The following DAW1 variants were observed in gnomAD, a reference collection of about 807,000 sequenced individuals.
DAW1 encodes dynein assembly factor with WD repeats 1.
DAW1 carries 47 observed loss-of-function variants against 56.5 expected under a neutral mutation model. The ratio of observed to expected loss-of-function variants is 0.83; its 90% CI spans 0.66 to 1.06. DAW1 has a LOEUF of 1.06. Ranked by LOEUF, DAW1 falls within the 50% of genes least tolerant of loss-of-function variation. The pLI, the probability that DAW1 is intolerant of heterozygous loss-of-function variation, is 0.00. For synonymous variants in DAW1, 190 were observed against 179.0 expected (o/e 1.06, Z -0.49); for missense variants, 505 against 499.3 (o/e 1.01, Z -0.11).
chr2:227,904,564 T>C (rs1177858332), intron 7 of DAW1, among the ~76,000 whole-genome samples: 9 of 152,248 alleles, frequency 5.9e-5, no homozygotes, highest in Non-Finnish European at 8.8e-5. Context: ...TGGCATCCCC[T>C]GCTCTGTAGT....
chr2:227,875,311 A>G (rs1690854472), intron 1 of DAW1, among the ~76,000 whole-genome samples: 1 of 152,190 alleles, frequency 6.6e-6, no homozygotes, highest in Non-Finnish European at 1.5e-5. Flanking sequence ...TCTTCAGTCT[A>G]TATGGCAATG....
At position 227,917,949 on chromosome 2, in the gene DAW1, G is replaced by A. The variant is rs564886436; in HGVS notation, c.974-831G>A. ...TATCCTTGCTATATTTTACTACTAT[G>A]TAATGCTATAATCAGAGATTTAAAA... is the stretch of plus-strand genomic sequence containing the variant. On this transcript the variant is annotated intron_variant, in intron 10 of 12. Coordinates refer to ENST00000309931, the MANE Select transcript of DAW1 (RefSeq NM_178821.3). Among the ~76,000 whole-genome samples, 5 of 152,210 alleles carry A rather than the reference G, an allele frequency of 3.3e-5. No individual in the cohort carries two copies. The South Asian group carries it at 6.2e-4, about 19-fold the overall frequency.
rs1212817498 is a variant in DAW1 at position 227,889,950 on chromosome 2, T to G, written c.208T>G (p.Leu70Val). ...GCAAGTCAAACTTTTGATACAGAGG[T>G]TGCAAGAGAAACTCGGCCAGAACAG... ...TEQVKLLIQR[L>V]QEKLGQNSNH... Residue 70 changes from leucine to valine, a missense_variant, in exon 3 of 13, where the codon TTG becomes GTG. Leu to Val is a conservative substitution (Grantham distance 32, BLOSUM62 1). Transcript: ENST00000309931. The G allele has an allele frequency of 5.6e-6, 9 of 1,602,574 alleles. No individual in the cohort carries two copies. The highest frequency in any genetic ancestry group is 7.7e-6 in the Non-Finnish European group (9 of 1,175,616).
chr2:227,905,326 GC>G (rs1390362948), intron 8 of DAW1, among the ~76,000 whole-genome samples: 1 of 152,090 alleles, frequency 6.6e-6, no homozygotes, highest in Non-Finnish European at 1.5e-5. Context: ...GATTTCAATG[GC>G]TTGTCATTAT....
At position 227,876,581 on chromosome 2, in the gene DAW1, G is replaced by C. The variant is rs113863818; in HGVS notation, c.40+4852G>C. 12,080 of 1,143,784 alleles carry C rather than the reference G, an allele frequency of 0.011. 1,020 individuals are homozygous for C. In the African/African-American group the frequency reaches 0.18, roughly 17 times the overall value. 70.9% of individuals were successfully genotyped at this position (1,143,784 alleles called of 1,614,324 possible). On this transcript the variant is annotated intron_variant, in intron 1 of 12. Transcript: ENST00000309931. ...GCTACCTTTATCCCTTCTGCATATA[G>C]AGCAGTTTTGTTTTGCCTCCTAATC...
chr2:227,920,915 G>T (rs1692091178), intron 11 of DAW1, among the ~76,000 whole-genome samples: 1 of 152,086 alleles, frequency 6.6e-6, no homozygotes, highest in East Asian at 1.9e-4. Flanking sequence ...CTGACCTCAG[G>T]TGATCCACCT....
At chr2:227,894,021 C>G in intron 5 of DAW1, 104 bp downstream of exon 5, 1 of 1,264,958 alleles carries the variant, frequency 7.9e-7, no homozygotes, top group Non-Finnish European at 1.1e-6. Flanking sequence ...TTATTGAGTG[C>G]TTGGTATGTG....
intron 2 of DAW1, among the ~76,000 whole-genome samples, 191 bp downstream of exon 2, chr2:227,885,614 A>G (rs955242477): frequency 5.3e-5 from 8 of 152,012 alleles, no homozygotes; most frequent in African/African-American, 1.9e-4. Flanking sequence ...GGAAGTGGGA[A>G]AAGGGTTATC....
intron 10 of DAW1, among the ~76,000 whole-genome samples, chr2:227,911,297 C>T (rs925632332): frequency 3.5e-5 from 5 of 144,616 alleles, no homozygotes; most frequent in Non-Finnish European, 7.5e-5. Flanking sequence ...TACATATATA[C>T]ACGTGTATGT....
intron 11 of DAW1, among the ~76,000 whole-genome samples, chr2:227,919,295 T>A (rs548149877): frequency 2.6e-4 from 40 of 152,224 alleles, no homozygotes; most frequent in South Asian, 6.2e-4. Context: ...TGTCTCATGT[T>A]TTTTTCTAGA....
intron 6 of DAW1, among the ~76,000 whole-genome samples, chr2:227,900,891 G>A (rs566650242): frequency 6.6e-6 from 1 of 152,314 alleles, no homozygotes; most frequent in African/African-American, 2.4e-5. Context: ...TCAAATTCAG[G>A]TCACAGGGTG....
At chr2:227,876,807 G>A (rs1690895229) in intron 1 of DAW1, among the ~76,000 whole-genome samples, 1 of 152,160 alleles carries the variant, frequency 6.6e-6, no homozygotes, top group South Asian at 2.1e-4. Flanking sequence ...TTGCTTTGGG[G>A]AGAGTGGGTG....
intron 1 of DAW1, among the ~76,000 whole-genome samples, chr2:227,880,447 T>C (rs988293148): frequency 2.6e-5 from 4 of 152,106 alleles, no homozygotes; most frequent in Non-Finnish European, 4.4e-5. Context: ...CTTTCTTTTT[T>C]TCTTTTTAGT....
Position 227,918,911 on chromosome 2 carries a change from G to T in DAW1, c.1050+55G>T. ...ATTTACTTTCAAAAAATAAAGAGCA[G>T]GGCCCAGGTGCAGTGCCTCACACCT... On this transcript the variant is annotated intron_variant, in intron 11 of 12. Transcript: ENST00000309931. 5 of 1,563,750 alleles carry T rather than the reference G, an allele frequency of 3.2e-6. No homozygotes were observed. In the Admixed American group the frequency reaches 8.4e-5, roughly 26 times the overall value.
chr2:227,890,062 T>C, intron 3 of DAW1, 62 bp downstream of exon 3: 5 of 1,427,684 alleles, frequency 3.5e-6, no homozygotes, highest in Non-Finnish European at 3.7e-6. Context: ...ATTTTATTAA[T>C]TTTTCTTTCC....
intron 8 of DAW1, among the ~76,000 whole-genome samples, chr2:227,905,810 A>G (rs1190715788): frequency 6.6e-6 from 1 of 152,258 alleles, no homozygotes; most frequent in Non-Finnish European, 1.5e-5. Flanking sequence ...GCTGGAGTGC[A>G]GTGGCGTGAT....
At chr2:227,902,338 G>A (rs554874547) in intron 6 of DAW1, among the ~76,000 whole-genome samples, 91 of 152,250 alleles carry the variant, frequency 6.0e-4, no homozygotes, top group African/African-American at 2.0e-3. Context: ...GAGGATACTG[G>A]GAGGAGTGAT....
At chr2:227,915,592 G>A (rs1205995700) in intron 10 of DAW1, among the ~76,000 whole-genome samples, 1 of 152,028 alleles carries the variant, frequency 6.6e-6, no homozygotes, top group East Asian at 1.9e-4. Flanking sequence ...AATAACCTCT[G>A]ATAATCATCT....
At chr2:227,873,762 A>T (rs1206642019) in intron 1 of DAW1, among the ~76,000 whole-genome samples, 1 of 151,476 alleles carries the variant, frequency 6.6e-6, no homozygotes, top group Non-Finnish European at 1.5e-5. Context: ...GTGCAATCCA[A>T]CTCCACCTCT....
Sources: allele counts gnomAD v4.1 joint callset (sites outside exome capture counted in the v4.1 genomes callset), GRCh38; gene constraint gnomAD v4.1.1; transcripts MANE v1.5; gene names NCBI Gene and HGNC (gene_info 2026-07-23, HGNC 2026-07-21).